The following RASAL2 variants were observed in gnomAD, a reference collection of about 807,000 sequenced individuals.
The protein encoded by RASAL2 is ras GTPase-activating protein nGAP.
RASAL2 carries 58 observed loss-of-function variants against 128.9 expected under a neutral mutation model. That is an observed-to-expected ratio of 0.45 (90% CI 0.36 to 0.56). The LOEUF (loss-of-function observed/expected upper bound fraction) is 0.56. Ranked by LOEUF, RASAL2 falls within the 20% of genes least tolerant of loss-of-function variation. The pLI is 0.00. For synonymous variants in RASAL2, 561 were observed against 580.8 expected (o/e 0.97, Z 0.49); for missense variants, 1,360 against 1,601.6 (o/e 0.85, Z 2.57).
intron 1 of RASAL2, among the ~76,000 whole-genome samples, chr1:178,188,089 A>G (rs7554570): frequency 0.02 from 3,054 of 152,252 alleles, 87 homozygotes; most frequent in African/African-American, 0.066. Context: ...TTTTCAGCTT[A>G]TATCTCCCTA....
rs991897987 is a variant in RASAL2, at chr1:178,474,855, T to C, written c.*1616T>C. On this transcript the variant is annotated 3_prime_UTR_variant, in exon 18 of 18. Coordinates refer to ENST00000367649, the MANE Select transcript of RASAL2 (RefSeq NM_170692.4). ...TGAGAAAGCAACAATGTTTCTCGAA[T>C]AAGTTGATGTTGATTTTAAATTATA... 2.6e-5 allele frequency: 4 copies of C among 152,162 alleles called. No homozygotes were observed. The highest frequency in any genetic ancestry group is 5.9e-5 in the Non-Finnish European group (4 of 68,034). 9.4% of individuals were successfully genotyped at this position (152,162 alleles called of 1,614,324 possible).
intron 4 of RASAL2, among the ~76,000 whole-genome samples, chr1:178,409,530 G>A (rs1674222697): frequency 1.3e-5 from 2 of 152,176 alleles, no homozygotes; most frequent in Admixed American, 1.3e-4. Flanking sequence ...GGTGAATATA[G>A]AGAATTACAG....
At chr1:178,098,941 G>T (rs1658790904) in intron 1 of RASAL2, among the ~76,000 whole-genome samples, 1 of 152,080 alleles carries the variant, frequency 6.6e-6, no homozygotes, top group Admixed American at 6.5e-5. Context: ...GTGGGAATTC[G>T]GTAAGAATTA....
In RASAL2 at chr1:178,454,667, A is replaced by C; in HGVS notation, c.2211+19A>C. On this transcript the variant is annotated intron_variant, in intron 12 of 17. Coordinates refer to ENST00000367649, the MANE Select transcript of RASAL2 (RefSeq NM_170692.4). Reference sequence around the variant, plus strand: ...TGATAAGGTAAAGTAGGTTGGTGGAAGATAGAGAACTTTAATGTACCTGAA... The same window carrying C: ...TGATAAGGTAAAGTAGGTTGGTGGACGATAGAGAACTTTAATGTACCTGAA... The C allele has an allele frequency of 3.7e-6, 6 of 1,604,444 alleles. No homozygotes were observed. The highest frequency in any genetic ancestry group is 5.1e-6 in the Non-Finnish European group (6 of 1,171,764).
At chr1:178,371,351 C>CACACACACACAA (rs1192709246) in intron 3 of RASAL2, among the ~76,000 whole-genome samples, 2 of 113,030 alleles carry the variant, frequency 1.8e-5, no homozygotes, top group South Asian at 5.2e-4. Flanking sequence ...CACACACACA[C>CACACACACACAA]AAATACACAC....
At chr1:178,462,977 T>C (rs1365211162) in intron 14 of RASAL2, among the ~76,000 whole-genome samples, 2 of 152,126 alleles carry the variant, frequency 1.3e-5, no homozygotes, top group Admixed American at 1.3e-4. Flanking sequence ...TCCCAACCCA[T>C]CTCTGATAGC....
intron 1 of RASAL2, among the ~76,000 whole-genome samples, chr1:178,178,758 A>T (rs930112330): frequency 6.6e-6 from 1 of 152,184 alleles, no homozygotes; most frequent in Non-Finnish European, 1.5e-5. Flanking sequence ...CCTGGAAAAT[A>T]GGAGAAGATG....
chr1:178,464,811 A>C (rs1273366024), intron 15 of RASAL2, among the ~76,000 whole-genome samples: 1 of 108,258 alleles, frequency 9.2e-6, no homozygotes, highest in African/African-American at 4.2e-5. Context: ...CTTGGTAACA[A>C]TTAGGTTTTG....
At chr1:178,110,830 C>T (rs896809817) in intron 1 of RASAL2, among the ~76,000 whole-genome samples, 1 of 151,622 alleles carries the variant, frequency 6.6e-6, no homozygotes, top group Admixed American at 6.6e-5. Context: ...TCAGGCAATC[C>T]GTCTGCCTCA....
At chr1:178,214,871 C>T (rs1663373977) in intron 1 of RASAL2, among the ~76,000 whole-genome samples, 1 of 152,110 alleles carries the variant, frequency 6.6e-6, no homozygotes, top group African/African-American at 2.4e-5. Flanking sequence ...CTGGACTATG[C>T]ATTTTTATTT....
intron 1 of RASAL2, among the ~76,000 whole-genome samples, chr1:178,283,195 A>G (rs1480560679): frequency 6.6e-6 from 1 of 152,154 alleles, no homozygotes; most frequent in South Asian, 2.1e-4. Context: ...ATGTAACATC[A>G]TCTTTCTCCT....
intron 1 of RASAL2, among the ~76,000 whole-genome samples, chr1:178,152,810 C>A (rs772896881): frequency 6.6e-6 from 1 of 152,158 alleles, no homozygotes; most frequent in East Asian, 1.9e-4. Flanking sequence ...AGTCTTGTTT[C>A]GTTTGAACCT....
chr1:178,134,882 A>G (rs1660261679), intron 1 of RASAL2, among the ~76,000 whole-genome samples: 1 of 152,210 alleles, frequency 6.6e-6, no homozygotes, highest in East Asian at 1.9e-4. Context: ...TCATGGCAAC[A>G]CTTTTTTTGG....
At chr1:178,324,223 T>A (rs1327482813) in intron 3 of RASAL2, among the ~76,000 whole-genome samples, 1 of 152,128 alleles carries the variant, frequency 6.6e-6, no homozygotes, top group Non-Finnish European at 1.5e-5. Context: ...AGACTAGGTG[T>A]TATGTTTCTC....
At chr1:178,304,278 C>A (rs933261830) in intron 3 of RASAL2, among the ~76,000 whole-genome samples, 11 of 152,104 alleles carry the variant, frequency 7.2e-5, no homozygotes, top group African/African-American at 2.7e-4. Context: ...AATCCCAGCA[C>A]TTTGGGAGGC....
At chr1:178,179,282 G>A (rs2101925219) in intron 1 of RASAL2, among the ~76,000 whole-genome samples, 1 of 152,314 alleles carries the variant, frequency 6.6e-6, no homozygotes, top group Non-Finnish European at 1.5e-5. Flanking sequence ...TGGTTCTCCA[G>A]CCAGTGTGAT....
intron 1 of RASAL2, among the ~76,000 whole-genome samples, chr1:178,150,541 A>G (rs993653799): frequency 6.6e-6 from 1 of 152,178 alleles, no homozygotes; most frequent in African/African-American, 2.4e-5. Flanking sequence ...TCCATAGAAG[A>G]TAAAATGTTG....
chr1:178,451,565 A>C lies in RASAL2; in HGVS notation c.1628-6A>C. 1 of 1,612,718 alleles carries C rather than the reference A, an allele frequency of 6.2e-7. No homozygotes were observed. On this transcript the variant is annotated splice_region_variant and splice_polypyrimidine_tract_variant and intron_variant, in intron 9 of 17. Transcript: ENST00000367649. Reference sequence around the variant, plus strand: ...AGCTATACCGTTATCTTCTCTCTTCAAATAGGGGAGTTTATCAAAGCTTTG... The same window carrying C: ...AGCTATACCGTTATCTTCTCTCTTCCAATAGGGGAGTTTATCAAAGCTTTG...
intron 1 of RASAL2, among the ~76,000 whole-genome samples, chr1:178,180,817 C>T (rs316278): frequency 0.95 from 143,543 of 150,828 alleles, 68,632 homozygotes; most frequent in South Asian, 1. Context: ...AGTTACTTTA[C>T]TTAAAAAAAA....
Sources: gnomAD v4.1 joint callset for allele counts (sites outside exome capture counted in the v4.1 genomes callset) on GRCh38, gnomAD v4.1.1 for gene constraint, MANE v1.5 for transcripts, NCBI Gene and HGNC (gene_info 2026-07-23, HGNC 2026-07-21) for gene names.